PRELID2: variants seen among roughly 807,000 people sequenced by gnomAD.
The protein encoded by PRELID2 is PRELI domain-containing protein 2.
Under a neutral mutation model 28.4 loss-of-function variants are expected in PRELID2, and 25 were observed. The ratio of observed to expected loss-of-function variants is 0.88; its 90% confidence interval spans 0.64 to 1.23. The LOEUF (loss-of-function observed/expected upper bound fraction) is 1.23, where lower values mean the gene tolerates loss of function less well. Among genes scored for constraint, PRELID2 ranks in the 50% most tolerant of loss-of-function variants. The pLI, the probability that PRELID2 is intolerant of heterozygous loss-of-function variation, is 0.00. For synonymous variants in PRELID2, 76 were observed against 71.6 expected, an observed-to-expected ratio of 1.06 and a Z score of -0.31; for missense variants, 201 against 214.4, an observed-to-expected ratio of 0.94 and a Z score of 0.39.
chr5:145,796,475 A>G lies in PRELID2; in HGVS notation c.441T>C (p.Phe147=), dbSNP rs1293272787. The G allele has an allele frequency of 3.1e-6, 5 of 1,610,766 alleles. No homozygotes were observed. Among genetic ancestry groups the G allele is most frequent in the East Asian group, 2.2e-5 (1 of 44,718 alleles). The change falls in exon 5 of 7, where the codon TTT becomes TTC. Residue 147 remains phenylalanine, a synonymous_variant. Transcript: ENST00000683046. ...CTCCCTGTCGTAAGAATGTGCTGGCAAAAGTTTCTAAAACACAGTTGAGAA... is the reference window on the plus strand; with the variant it reads ...CTCCCTGTCGTAAGAATGTGCTGGCGAAAGTTTCTAAAACACAGTTGAGAA... ...VGFLNCVLET[F]ASTFLRQGAQ...
chr5:145,717,691 A>G (rs1755880825), intron 1 of PRELID2, among the ~76,000 whole-genome samples: 1 of 150,890 alleles, frequency 6.6e-6, no homozygotes, highest in Non-Finnish European at 1.5e-5. Flanking sequence ...AAATAATTAT[A>G]ATAAAATTTA....
the PRELID2 span, among the ~76,000 whole-genome samples, chr5:145,431,000 G>A: frequency 2.3e-5 from 3 of 132,396 alleles, no homozygotes; most frequent in Non-Finnish European, 3.1e-5. Context: ...TGAGGCCCTG[G>A]CAATGGTTTT....
At chr5:145,761,954 C>T (rs902494729) in intron 6 of PRELID2, among the ~76,000 whole-genome samples, 2 of 151,858 alleles carry the variant, frequency 1.3e-5, no homozygotes, top group Non-Finnish European at 2.9e-5. Flanking sequence ...TCAAACTTGA[C>T]AAACTTTGTA....
At chr5:145,290,450 G>T in the PRELID2 span, among the ~76,000 whole-genome samples, 1 of 152,044 alleles carries the variant, frequency 6.6e-6, no homozygotes, top group Non-Finnish European at 1.5e-5. Flanking sequence ...GTCCTTTGTA[G>T]GGACGTGGAT....
the PRELID2 span, among the ~76,000 whole-genome samples, chr5:145,234,513 T>TA: frequency 6.6e-6 from 1 of 152,012 alleles, no homozygotes; most frequent in African/African-American, 2.4e-5. Flanking sequence ...CCCAGAGCGG[T>TA]AAAAAATGTT....
At position 145,593,689 on chromosome 5, in the gene PRELID2, A is replaced by T. The variant is rs143264887; in HGVS notation, n.71-120374T>A. On this transcript the variant is annotated intron_variant and non_coding_transcript_variant, in intron 1 of 2. Transcript: ENST00000510259. ...GAACTGTACTGCAGAGTCATCAAAC[A>T]GTTCAACAACTTGGGTTGGAATCAG... is the stretch of plus-strand genomic sequence containing the variant. Among the ~76,000 whole-genome samples, 334 of 152,310 alleles carry T rather than the reference A, an allele frequency of 2.2e-3. 1 individual carries two copies. The highest frequency in any genetic ancestry group is 7.5e-3 in the African/African-American group (312 of 41,588).
chr5:145,775,821 CTACCTGTGGAGTGAAGGAACAG>C (rs1379173679), intron 5 of PRELID2, among the ~76,000 whole-genome samples: 1 of 152,152 alleles, frequency 6.6e-6, no homozygotes, highest in Non-Finnish European at 1.5e-5. Flanking sequence ...ATCCTTTGCA[CTACCTGTGGAGTGAAGGAACAG>C]TAAGTCCATG....
chr5:145,432,483 G>A, the PRELID2 span, among the ~76,000 whole-genome samples: 1 of 146,754 alleles, frequency 6.8e-6, no homozygotes, highest in African/African-American at 2.5e-5. Context: ...GTATCTCCAA[G>A]TAACTTACAT....
chr5:145,414,274 G>C, the PRELID2 span, among the ~76,000 whole-genome samples: 2 of 152,262 alleles, frequency 1.3e-5, no homozygotes, highest in East Asian at 3.9e-4. Flanking sequence ...CTACTTGGCA[G>C]ATGTGTCCTA....
intron 1 of PRELID2, among the ~76,000 whole-genome samples, chr5:145,531,951 T>C (rs1375984286): frequency 6.6e-6 from 1 of 152,152 alleles, no homozygotes; most frequent in Admixed American, 6.6e-5. Flanking sequence ...GTTGGTTTGC[T>C]CCTAAGTAAA....
At chr5:145,481,653 A>AAAAAAAAAAAAAAAAAAAAAAAAAG in intron 1 of PRELID2, among the ~76,000 whole-genome samples, 1 of 131,706 alleles carries the variant, frequency 7.6e-6, no homozygotes, top group South Asian at 2.4e-4. Flanking sequence ...AAAAAAAAAA[A>AAAAAAAAAAAAAAAAAAAAAAAAAG]GAAAGAAAGA....
At chr5:145,535,807 A>G (rs1752693328) in intron 1 of PRELID2, among the ~76,000 whole-genome samples, 1 of 151,842 alleles carries the variant, frequency 6.6e-6, no homozygotes, top group East Asian at 1.9e-4. Context: ...ACAATAGTTT[A>G]TTTCTCTTTT....
intron 1 of PRELID2, among the ~76,000 whole-genome samples, chr5:145,639,599 C>A (rs1431908167): frequency 6.6e-6 from 1 of 152,106 alleles, no homozygotes; most frequent in Non-Finnish European, 1.5e-5. Flanking sequence ...TATTACAGCC[C>A]CAAGATTCTT....
At chr5:145,296,184 TA>T in the PRELID2 span, among the ~76,000 whole-genome samples, 1 of 151,756 alleles carries the variant, frequency 6.6e-6, no homozygotes, top group African/African-American at 2.4e-5. Context: ...TTTTTTTATT[TA>T]TTTTTTTATT....
intron 1 of PRELID2, among the ~76,000 whole-genome samples, chr5:145,543,500 G>A (rs749352465): frequency 3.3e-5 from 5 of 151,900 alleles, no homozygotes; most frequent in Admixed American, 1.3e-4. Flanking sequence ...AATGTTTATT[G>A]ATACTTATTT....
chr5:145,267,271 C>A, the PRELID2 span, among the ~76,000 whole-genome samples: 3 of 152,068 alleles, frequency 2.0e-5, no homozygotes, highest in Admixed American at 2.0e-4. Context: ...TAGATGGTGC[C>A]CACCCAGATT....
At chr5:145,459,504 A>G in the PRELID2 span, among the ~76,000 whole-genome samples, 1 of 152,164 alleles carries the variant, frequency 6.6e-6, no homozygotes, top group East Asian at 1.9e-4. Context: ...CTTCCACATA[A>G]TCTACCATTT....
At chr5:145,671,437 C>T (rs1259839827) in intron 1 of PRELID2, among the ~76,000 whole-genome samples, 1 of 152,066 alleles carries the variant, frequency 6.6e-6, no homozygotes, top group South Asian at 2.1e-4. Context: ...ATTAACTCAC[C>T]CCCTTCTGCT....
At chr5:145,360,577 T>C in the PRELID2 span, among the ~76,000 whole-genome samples, 3 of 152,174 alleles carry the variant, frequency 2.0e-5, no homozygotes, top group Non-Finnish European at 4.4e-5. Context: ...TCAGTGTCCA[T>C]TCTATAAAAT....
Sources: gnomAD v4.1 joint callset for allele counts (sites outside exome capture counted in the v4.1 genomes callset) on GRCh38, gnomAD v4.1.1 for gene constraint, MANE v1.5 for transcripts, NCBI Gene and HGNC (gene_info 2026-07-23, HGNC 2026-07-21) for gene names.